The following CANX variants were observed in gnomAD, a reference collection of about 807,000 sequenced individuals.
CANX encodes the protein epididymis secretory sperm binding protein.
CANX carries 14 observed loss-of-function variants against 75.7 expected under a neutral mutation model. The ratio of observed to expected loss-of-function variants is 0.19; its 90% CI spans 0.12 to 0.29. CANX has a LOEUF of 0.29. Ranked by LOEUF, CANX falls within the 10% of genes least tolerant of loss-of-function variation. The probability of loss-of-function intolerance (pLI) is 1.00; values close to 1 mark genes in which losing one functional copy is unlikely to be tolerated. For synonymous variants in CANX, 227 were observed against 236.9 expected (o/e 0.96, Z 0.38); for missense variants, 567 against 713.2 (o/e 0.79, Z 2.34).
chr5:179,724,675 G>A lies in CANX; in HGVS notation c.1537G>A (p.Glu513Lys). Reference sequence around the variant, plus strand: ...ATTTCAGAAACAGACCAGTGGTATGGAGTATAAGAAAACTGATGCACCTCA... The same window carrying A: ...ATTTCAGAAACAGACCAGTGGTATGAAGTATAAGAAAACTGATGCACCTCA... ...CSGKKQTSGM[E>K]YKKTDAPQPD... The change falls in exon 13 of 15, where the codon GAG becomes AAG. Residue 513 changes from glutamate to lysine, a missense_variant. Transcript: ENST00000247461. The A allele has an allele frequency of 4.3e-6, 7 of 1,613,730 alleles. No individual in the cohort carries two copies. Among genetic ancestry groups the A allele is most frequent in the Non-Finnish European group, 5.9e-6 (7 of 1,179,694 alleles).
chr5:179,717,914 CCATG>C, intron 8 of CANX, among the ~76,000 whole-genome samples: 1 of 152,112 alleles, frequency 6.6e-6, no homozygotes, highest in African/African-American at 2.4e-5. Flanking sequence ...CGGGGTTTTA[CCATG>C]TTGGTCAGGC....
At chr5:179,679,364 G>A (rs1581808107) in intron 1 of CANX, 2 of 1,056,160 alleles carry the variant, frequency 1.9e-6, no homozygotes, top group African/African-American at 1.6e-5. Flanking sequence ...CTACGGCTGC[G>A]GCTGTGTCTC....
At chr5:179,678,999 A>T in intron 1 of CANX, 2 of 1,535,846 alleles carry the variant, frequency 1.3e-6, no homozygotes, top group South Asian at 1.2e-5. Flanking sequence ...TCCAGCAGGT[A>T]GAAGGTGGAC....
chr5:179,716,824 C>T (rs1777987450), intron 8 of CANX, among the ~76,000 whole-genome samples: 1 of 152,070 alleles, frequency 6.6e-6, no homozygotes, highest in Admixed American at 6.6e-5. Flanking sequence ...ACCAGAGCAC[C>T]AGGTGTACCT....
rs958473912 is a variant in CANX at position 179,689,379 on chromosome 5, G to GTTTTTTTTTTTT, written c.-4+10616_-4+10627dup. 2.3e-4 allele frequency among the ~76,000 whole-genome samples: 19 copies of GTTTTTTTTTTTT among 83,672 alleles called. 4 individuals are homozygous for GTTTTTTTTTTTT. The highest frequency in any genetic ancestry group is 5.4e-4 in the South Asian group (1 of 1,866). 54.9% of individuals were successfully genotyped at this position (83,672 alleles called of 152,430 possible). On this transcript the variant is annotated intron_variant, in intron 1 of 14. Coordinates refer to the CANX transcript ENST00000681674. ...AAGAGAAAGCTACAAAACCCAACAAGTTTTTTTTTTTTTTTTTTTTTTTTT... is the reference window on the plus strand; with the variant it reads ...AAGAGAAAGCTACAAAACCCAACAAGTTTTTTTTTTTTTTTTTTTTTTTTTTTTTTTTTTTTT...
chr5:179,711,064 C>T (rs1432733165), intron 7 of CANX, among the ~76,000 whole-genome samples: 2 of 151,270 alleles, frequency 1.3e-5, no homozygotes, highest in African/African-American at 2.4e-5. Context: ...ACCCCCTCCA[C>T]GAAAGAAAAG....
At chr5:179,684,241 T>C (rs1322529323) in intron 1 of CANX, among the ~76,000 whole-genome samples, 2 of 152,120 alleles carry the variant, frequency 1.3e-5, no homozygotes, top group Non-Finnish European at 2.9e-5. Flanking sequence ...AAAATTCGCT[T>C]AATTAAAGGT....
intron 8 of CANX, among the ~76,000 whole-genome samples, chr5:179,719,370 C>T (rs895982397): frequency 1.3e-5 from 2 of 152,010 alleles, no homozygotes; most frequent in East Asian, 1.9e-4. Flanking sequence ...AGCATCTTTT[C>T]GTGTGCTTAT....
At chr5:179,706,513 G>A (rs973423458) in intron 3 of CANX, among the ~76,000 whole-genome samples, 182 bp downstream of exon 3, 1 of 151,960 alleles carries the variant, frequency 6.6e-6, no homozygotes, top group Non-Finnish European at 1.5e-5. Flanking sequence ...GCGTGATACC[G>A]GCTCATTGCC....
At position 179,706,287 on chromosome 5, in the gene CANX, G is replaced by A. The variant is rs759097313; in HGVS notation, c.201G>A (p.Gly67=). The A allele has an allele frequency of 1.3e-6, 2 of 1,599,934 alleles. No homozygotes were observed. Among genetic ancestry groups the A allele is most frequent in the East Asian group, 2.2e-5 (1 of 44,712 alleles). Residue 67 remains glycine (G), a synonymous_variant, in exon 3 of 15, where the codon GGG becomes GGA. Coordinates refer to ENST00000247461, the MANE Select transcript of CANX (RefSeq NM_001746.4). ...CTTACAAAGCTCCAGTTCCAACAGGGGAAGTATATTTTGCTGATTCTTTTG... is the reference window on the plus strand; with the variant it reads ...CTTACAAAGCTCCAGTTCCAACAGGAGAAGTATATTTTGCTGATTCTTTTG... ...KVTYKAPVPT[G]EVYFADSFDR...
intron 1 of CANX, among the ~76,000 whole-genome samples, chr5:179,682,160 G>A (rs1776080043): frequency 6.6e-6 from 1 of 151,160 alleles, no homozygotes; most frequent in Admixed American, 6.6e-5. Context: ...TCTGAGGCAG[G>A]AGAATTGCTT....
At chr5:179,679,204 G>A in intron 1 of CANX, 1 of 1,534,688 alleles carries the variant, frequency 6.5e-7, no homozygotes, top group Non-Finnish European at 8.7e-7. Flanking sequence ...GGCGACTCGT[G>A]CTGCGCTCTT....
At chr5:179,716,877 A>T (rs1777991045) in intron 8 of CANX, among the ~76,000 whole-genome samples, 1 of 152,198 alleles carries the variant, frequency 6.6e-6, no homozygotes, top group Admixed American at 6.5e-5. Flanking sequence ...TCAGATTGAG[A>T]CTTGGCAGTG....
chr5:179,718,587 G>T, intron 8 of CANX, among the ~76,000 whole-genome samples: 1 of 151,308 alleles, frequency 6.6e-6, no homozygotes, highest in Non-Finnish European at 1.5e-5. Flanking sequence ...GGAGTGTAGT[G>T]GCGTGATCTT....
intron 13 of CANX, 63 bp downstream of exon 13, chr5:179,724,846 AC>A: frequency 6.5e-7 from 1 of 1,535,884 alleles, no homozygotes; most frequent in South Asian, 1.2e-5. Flanking sequence ...TTAAACCTTT[AC>A]AGTCAAGTTA....
intron 1 of CANX, among the ~76,000 whole-genome samples, chr5:179,692,822 CATA>C (rs1453185607): frequency 6.6e-6 from 1 of 152,090 alleles, no homozygotes; most frequent in Non-Finnish European, 1.5e-5. Flanking sequence ...GCACATAGTA[CATA>C]ATGATTCCTT....
At chr5:179,700,978 T>G (rs1244014802) in intron 1 of CANX, 3 of 151,970 alleles carry the variant, frequency 2.0e-5, no homozygotes, top group African/African-American at 7.3e-5. Context: ...TTCTCCTGCC[T>G]CAGCCTCCCT....
chr5:179,680,460 C>G (rs114443236), intron 1 of CANX, among the ~76,000 whole-genome samples: 1 of 152,066 alleles, frequency 6.6e-6, no homozygotes, highest in Non-Finnish European at 1.5e-5. Context: ...CCTCAAGGTG[C>G]TCCTAATCCA....
chr5:179,678,697 G>C (rs1562423475), exon 1 of CANX: 4 of 1,536,898 alleles, frequency 2.6e-6, no homozygotes, highest in Non-Finnish European at 3.5e-6. Context: ...TCACCTCGGG[G>C]TTGCGCTGCT....
Sources: allele counts gnomAD v4.1 joint callset (sites outside exome capture counted in the v4.1 genomes callset), GRCh38; gene constraint gnomAD v4.1.1; transcripts MANE v1.5; gene names NCBI Gene and HGNC (gene_info 2026-07-23, HGNC 2026-07-21).